The following NUP93 variants were observed in gnomAD, a reference collection of about 807,000 sequenced individuals.
NUP93 encodes nucleoporin 93.
Under a neutral mutation model 107.8 loss-of-function variants are expected in NUP93, and 55 were observed. The observed-to-expected ratio is 0.51, with a 90% CI of 0.41 to 0.64. NUP93 has a LOEUF of 0.64. Ranked by LOEUF, NUP93 falls within the 30% of genes least tolerant of loss-of-function variation. NUP93 has a pLI of 0.00. For missense variants in NUP93, 937 were observed against 1,044.7 expected (o/e 0.90, Z 1.42); for synonymous variants, 390 against 397.5 (o/e 0.98, Z 0.22).
At chr16:56,832,212 A>G (rs1963808363) in intron 11 of NUP93, 83 bp from the exon 12 acceptor site, 1 of 1,302,642 alleles carries the variant, frequency 7.7e-7, no homozygotes. Flanking sequence ...ATCATTGAGC[A>G]TGGCTGCTGA....
At chr16:56,775,124 C>T (rs1962393782) in intron 3 of NUP93, among the ~76,000 whole-genome samples, 1 of 152,068 alleles carries the variant, frequency 6.6e-6, no homozygotes, top group African/African-American at 2.4e-5. Flanking sequence ...TGGTCTCAAA[C>T]TTCTGAGCTC....
At chr16:56,760,438 C>T (rs146048427) in intron 3 of NUP93, among the ~76,000 whole-genome samples, 10 of 152,254 alleles carry the variant, frequency 6.6e-5, no homozygotes, top group African/African-American at 2.4e-4. Flanking sequence ...AATTGGCTCA[C>T]GGTTCTGCAG....
intron 21 of NUP93, chr16:56,842,440 G>A: frequency 2.7e-6 from 1 of 370,958 alleles, no homozygotes; most frequent in Non-Finnish European, 5.3e-6. Context: ...GTCAAGTGGA[G>A]TCCAGGTAGC....
At chr16:56,838,223 A>G (rs1963952586) in intron 18 of NUP93, among the ~76,000 whole-genome samples, 1 of 152,180 alleles carries the variant, frequency 6.6e-6, no homozygotes. Flanking sequence ...CTCTCTGTAG[A>G]TATTCCTAGT....
chr16:56,734,885 CT>C (rs1318992347), intron 1 of NUP93, among the ~76,000 whole-genome samples: 16 of 152,192 alleles, frequency 1.1e-4, no homozygotes, highest in African/African-American at 2.9e-4. Flanking sequence ...CTTCCTCCCC[CT>C]AACCCCTCCC....
At chr16:56,752,688 A>C (rs1388019197) in intron 2 of NUP93, among the ~76,000 whole-genome samples, 1 of 152,232 alleles carries the variant, frequency 6.6e-6, no homozygotes, top group Non-Finnish European at 1.5e-5. Context: ...GAGACTTAGA[A>C]TAGCCAAAAC....
chr16:56,844,639 C>T lies in NUP93; in HGVS notation c.*30C>T, dbSNP rs369265069. ...CATGCTTTGTGGGAGTCTGGGTCGG[C>T]ACACTGTCAGTACATCAGGCACATG... On this transcript the variant is annotated 3_prime_UTR_variant, in exon 22 of 22. Coordinates refer to ENST00000308159, the MANE Select transcript of NUP93 (RefSeq NM_014669.5). 384 of 1,481,704 alleles carry T rather than the reference C, an allele frequency of 2.6e-4. No homozygotes were observed. The African/African-American group carries it at 4.8e-3, about 18-fold the overall frequency. The allele number at this position is 1,481,704 out of a possible 1,614,324, so 91.8% of individuals were successfully genotyped here. A position where few individuals can be genotyped will look rare whatever the true frequency, so the allele number is the denominator to read the frequency against.
At chr16:56,758,075 A>G (rs1212336925) in intron 2 of NUP93, among the ~76,000 whole-genome samples, 2 of 151,872 alleles carry the variant, frequency 1.3e-5, no homozygotes, top group East Asian at 3.9e-4. Context: ...TGTCTCAGAA[A>G]AAAAAAAAAG....
At chr16:56,759,844 G>A (rs1238335760) in intron 3 of NUP93, among the ~76,000 whole-genome samples, 2 of 151,980 alleles carry the variant, frequency 1.3e-5, no homozygotes, top group African/African-American at 4.8e-5. Flanking sequence ...GTTTTTGTTC[G>A]TTTTTAATGT....
intron 3 of NUP93, among the ~76,000 whole-genome samples, chr16:56,786,703 C>A (rs998553307): frequency 5.3e-5 from 8 of 152,104 alleles, no homozygotes; most frequent in Non-Finnish European, 1.5e-5. Context: ...ACGGTGAAGT[C>A]TCCTGGGATG....
intron 5 of NUP93, among the ~76,000 whole-genome samples, chr16:56,812,295 C>G (rs1273390165): frequency 6.6e-6 from 1 of 152,082 alleles, no homozygotes; most frequent in Non-Finnish European, 1.5e-5. Context: ...AGGAGTTTCC[C>G]CCAGTTCCTT....
At chr16:56,785,215 G>GGGGTAT (rs1299198398) in intron 3 of NUP93, among the ~76,000 whole-genome samples, 4 of 152,154 alleles carry the variant, frequency 2.6e-5, no homozygotes, top group African/African-American at 9.7e-5. Context: ...GATGACATGG[G>GGGGTAT]GGGTATCACA....
chr16:56,763,785 A>G (rs918234801), intron 3 of NUP93, among the ~76,000 whole-genome samples: 1 of 151,602 alleles, frequency 6.6e-6, no homozygotes, highest in African/African-American at 2.4e-5. Flanking sequence ...AGAAATCTAG[A>G]TTATGTTGTT....
intron 19 of NUP93, 111 bp from the exon 20 acceptor site, chr16:56,839,410 C>T (rs1963977268): frequency 4.1e-6 from 3 of 728,450 alleles, no homozygotes; most frequent in Non-Finnish European, 6.7e-6. Flanking sequence ...GGAGGAATGG[C>T]GTTTTCTATG....
rs896510020 is a variant in NUP93 at position 56,826,552 on chromosome 16, A to T, written c.795-2425A>T. 2.6e-5 allele frequency among the ~76,000 whole-genome samples: 4 copies of T among 151,648 alleles called. No homozygotes were observed. The East Asian group carries it at 5.8e-4, about 22-fold the overall frequency. ...AAAAAACAACTTCCAATGATGGGGAACTCATTAACATTTGTTAAATTTTGT... is the reference window on the plus strand; with the variant it reads ...AAAAAACAACTTCCAATGATGGGGATCTCATTAACATTTGTTAAATTTTGT... On this transcript the variant is annotated intron_variant, in intron 8 of 21. Transcript: ENST00000308159.
chr16:56,827,222 A>G (rs1204831429), intron 8 of NUP93, among the ~76,000 whole-genome samples: 1 of 152,132 alleles, frequency 6.6e-6, no homozygotes, highest in African/African-American at 2.4e-5. Context: ...CATTAACCAC[A>G]TATTTGGGTA....
intron 18 of NUP93, 140 bp downstream of exon 18, chr16:56,837,866 C>T (rs763817477): frequency 3.2e-6 from 2 of 619,888 alleles, no homozygotes; most frequent in Non-Finnish European, 2.9e-6. Context: ...CTCACCATGC[C>T]ACCAGCACTG....
At chr16:56,748,459 G>A in intron 2 of NUP93, 33 bp downstream of exon 2, 15 of 1,546,132 alleles carry the variant, frequency 9.7e-6, no homozygotes, top group Non-Finnish European at 1.2e-5. Context: ...CATTAGTACT[G>A]GGTGGCTTGC....
chr16:56,732,007 C>T (rs2144424013), intron 1 of NUP93, among the ~76,000 whole-genome samples: 1 of 152,286 alleles, frequency 6.6e-6, no homozygotes, highest in African/African-American at 2.4e-5. Flanking sequence ...CTTTCCCAGT[C>T]TCATTTTCTG....
Sources: gnomAD v4.1 joint callset for allele counts (sites outside exome capture counted in the v4.1 genomes callset) on GRCh38, gnomAD v4.1.1 for gene constraint, MANE v1.5 for transcripts, NCBI Gene and HGNC (gene_info 2026-07-23, HGNC 2026-07-21) for gene names.